The following FAM120B variants were observed in gnomAD, a reference collection of about 807,000 sequenced individuals.
FAM120B encodes the protein family with sequence similarity 120 member B.
Under a neutral mutation model 96.3 loss-of-function variants are expected in FAM120B, and 83 were observed. The observed-to-expected ratio is 0.86, with a 90% CI of 0.72 to 1.03. FAM120B has a LOEUF of 1.03. Ranked by LOEUF, FAM120B falls within the 50% of genes least tolerant of loss-of-function variation. The pLI is 0.00. For synonymous variants in FAM120B, 407 were observed against 402.7 expected (o/e 1.01, Z -0.13); for missense variants, 1,027 against 1,121.2 (o/e 0.92, Z 1.20).
In FAM120B at chr6:170,394,624, C is replaced by T. The variant is rs1268523835; in HGVS notation, c.2600-863C>T. Among the ~76,000 whole-genome samples, 37 of 62,846 alleles carry T rather than the reference C, an allele frequency of 5.9e-4. 2 individuals carry two copies. Among genetic ancestry groups the T allele is most frequent in the African/African-American group, 2.6e-3 (34 of 12,934 alleles). The allele number at this position is 62,846 out of a possible 152,430, so 41.2% of individuals were successfully genotyped here. A position where few individuals can be genotyped will look rare whatever the true frequency, so the allele number is the denominator to read the frequency against. On this transcript the variant is annotated intron_variant, in intron 8 of 10. Transcript: ENST00000476287. The stretch of plus-strand genomic sequence containing the variant: ...ACCGCAGCATGCCAGCACGAGGCCA[C>T]GCCTCCGTGGACACCGCAGCATGCC...
At chr6:170,291,491 C>A (rs1435743114), upstream of FAM120B, among the ~76,000 whole-genome samples, 1 of 151,780 alleles carries the variant, frequency 6.6e-6, no homozygotes, top group East Asian at 1.9e-4. Context: ...GCCCCTTCTT[C>A]GGGGCAGGCG....
chr6:170,388,603 A>G, intron 7 of FAM120B, 110 bp downstream of exon 7: 1 of 900,278 alleles, frequency 1.1e-6, no homozygotes, highest in South Asian at 1.5e-5. Context: ...TTCCAAATAA[A>G]GGATTCCGTT....
rs564203470 is a variant in FAM120B at position 170,367,866 on chromosome 6, A to C, written c.2283+9548A>C. On this transcript the variant is annotated intron_variant, in intron 6 of 10. Transcript: ENST00000476287. ...TTCCCTGACTCTTGGTTCCACTTCC[A>C]CCTAATTCTCCTACACAAAGACCCT... 1.5e-4 allele frequency among the ~76,000 whole-genome samples: 23 copies of C among 152,326 alleles called. No homozygotes were observed. The South Asian group carries it at 3.9e-3, about 26-fold the overall frequency.
At position 170,360,846 on chromosome 6, in the gene FAM120B, T is replaced by A. The variant is rs80183528; in HGVS notation, c.2283+2528T>A. On this transcript the variant is annotated intron_variant, in intron 6 of 10. Transcript: ENST00000476287. ...CCAAGGACTGGCTTGAAATCCTAGGTAGGGCAGAGTCACCACTCAGCAGCC... is the reference window on the plus strand; with the variant it reads ...CCAAGGACTGGCTTGAAATCCTAGGAAGGGCAGAGTCACCACTCAGCAGCC... Among the ~76,000 whole-genome samples the A allele has an allele frequency of 0.049, 7,436 of 152,020 alleles. 1,045 individuals carry two copies. In the East Asian group the frequency reaches 0.57, roughly 12 times the overall value.
chr6:170,387,459 TG>T (rs1426178613), intron 6 of FAM120B, among the ~76,000 whole-genome samples: 1 of 152,170 alleles, frequency 6.6e-6, no homozygotes, highest in African/African-American at 2.4e-5. Context: ...TACGGACTCA[TG>T]TGGACACTCG....
Position 170,295,931 on chromosome 6 carries a change from C to T in FAM120B, c.48+478C>T, listed in dbSNP as rs1225683697. Among the ~76,000 whole-genome samples the T allele has an allele frequency of 2.0e-5, 3 of 152,090 alleles. No homozygotes were observed. The highest frequency in any genetic ancestry group is 6.5e-5 in the Admixed American group (1 of 15,280). On this transcript the variant is annotated intron_variant, in intron 1 of 10. Transcript: ENST00000537664. This position sits in a 1 kb window ranked among gnomAD's most constrained non-coding sequence, Gnocchi z 7.8. ...GCATGAGAACGGGCGGGTCGCGTGG[C>T]TCAGCTGGCGGCCCCGGCGCAGATG...
chr6:170,367,583 C>T (rs980044189), intron 6 of FAM120B, among the ~76,000 whole-genome samples: 8 of 152,194 alleles, frequency 5.3e-5, no homozygotes, highest in East Asian at 1.9e-4. Context: ...GGTAAGTCCG[C>T]GGGGAGACGG....
intron 1 of FAM120B, among the ~76,000 whole-genome samples, chr6:170,317,096 C>T (rs1784947172): frequency 6.6e-6 from 1 of 152,164 alleles, no homozygotes; most frequent in Non-Finnish European, 1.5e-5. Flanking sequence ...TCAAGAAATA[C>T]CTTGAATGAT....
At chr6:170,395,953 T>A (rs1790701060) in intron 9 of FAM120B, among the ~76,000 whole-genome samples, 1 of 152,242 alleles carries the variant, frequency 6.6e-6, no homozygotes, top group Non-Finnish European at 1.5e-5. Flanking sequence ...GGTAATAGGA[T>A]TCTGATATTT....
chr6:170,393,857 C>T (rs574805946), intron 8 of FAM120B, among the ~76,000 whole-genome samples: 31 of 152,238 alleles, frequency 2.0e-4, no homozygotes, highest in African/African-American at 7.2e-4. Flanking sequence ...GCCCTGCAGT[C>T]CTGACTGCCG....
At chr6:170,311,155 T>C (rs913374907) in intron 1 of FAM120B, among the ~76,000 whole-genome samples, 1 of 152,248 alleles carries the variant, frequency 6.6e-6, no homozygotes, top group African/African-American at 2.4e-5. Context: ...ACTCCAGTCT[T>C]GTCTGCCTCC....
intron 9 of FAM120B, among the ~76,000 whole-genome samples, chr6:170,396,991 C>G (rs1474309682): frequency 1.3e-5 from 2 of 152,232 alleles, no homozygotes; most frequent in African/African-American, 4.8e-5. Context: ...CAGTTAGCTT[C>G]TCCACCCTGG....
intron 2 of FAM120B, among the ~76,000 whole-genome samples, 179 bp from the exon 3 acceptor site, chr6:170,322,900 T>C (rs1351394662): frequency 2.0e-5 from 3 of 152,010 alleles, no homozygotes; most frequent in African/African-American, 7.2e-5. Context: ...ATAGAAAGTT[T>C]GAAATTGGTA....
At position 170,318,770 on chromosome 6, in the gene FAM120B, A is replaced by G. The variant is rs2115026011; in HGVS notation, c.1380A>G (p.Glu460=). 2.5e-6 allele frequency: 4 copies of G among 1,613,184 alleles called. No homozygotes were observed. Among genetic ancestry groups the G allele is most frequent in the Non-Finnish European group, 3.4e-6 (4 of 1,179,708 alleles). The stretch of plus-strand genomic sequence containing the variant: ...ATACAGGCTCTGAACCCAGGCAAGA[A>G]GTTCCCATGTATACAGGCCCTGAAT... The part of the protein sequence containing the change: ...PMYTGSEPRQ[E]VPMYTGPESR... Residue 460 remains glutamate (E), a synonymous_variant, in exon 2 of 11, where the codon GAA becomes GAG. Coordinates refer to ENST00000476287, the MANE Select transcript of FAM120B (RefSeq NM_032448.3).
chr6:170,386,246 A>G (rs1401815976), intron 6 of FAM120B, among the ~76,000 whole-genome samples: 1 of 152,154 alleles, frequency 6.6e-6, no homozygotes, highest in African/African-American at 2.4e-5. Flanking sequence ...CTTCCTCTCA[A>G]TTTTGCTGTG....
At chr6:170,347,445 ATGAG>A (rs1375956076) in intron 4 of FAM120B, among the ~76,000 whole-genome samples, 2 of 152,184 alleles carry the variant, frequency 1.3e-5, no homozygotes, top group African/African-American at 4.8e-5. Flanking sequence ...GTTTCAGTCA[ATGAG>A]TAAGGGTGTT....
chr6:170,387,331 C>G (rs1038334960), intron 6 of FAM120B, among the ~76,000 whole-genome samples: 5 of 152,186 alleles, frequency 3.3e-5, no homozygotes, highest in African/African-American at 1.2e-4. Context: ...TCTAAAGGAG[C>G]TAAAATATCT....
intron 1 of FAM120B, among the ~76,000 whole-genome samples, chr6:170,313,167 G>T (rs112811371): frequency 1.2e-4 from 18 of 152,304 alleles, no homozygotes; most frequent in African/African-American, 4.1e-4. Flanking sequence ...CTGGTTGTTT[G>T]TGCATTCATA....
intron 3 of FAM120B, among the ~76,000 whole-genome samples, chr6:170,326,638 C>G (rs1380415599): frequency 6.6e-6 from 1 of 152,226 alleles, no homozygotes; most frequent in Admixed American, 6.5e-5. Context: ...TGTTGTAGTG[C>G]AAGAGCAGCC....
Sources: allele counts gnomAD v4.1 joint callset (sites outside exome capture counted in the v4.1 genomes callset), GRCh38; gene constraint gnomAD v4.1.1; non-coding constraint Gnocchi (gnomAD v3.1); transcripts MANE v1.5; gene names NCBI Gene and HGNC (gene_info 2026-07-23, HGNC 2026-07-21).